The following ATRIP variants were observed in gnomAD, a reference collection of about 807,000 sequenced individuals.
ATRIP encodes ATR-interacting protein.
A neutral mutation model predicts 78.1 loss-of-function variants in ATRIP; 44 were observed. The ratio of observed to expected loss-of-function variants is 0.56; its 90% confidence interval spans 0.44 to 0.72. ATRIP has a LOEUF of 0.72. ATRIP is among the 30% of genes least tolerant of loss of function. ATRIP has a pLI of 0.00. For missense variants in ATRIP, 927 were observed against 980.2 expected (o/e 0.95, Z 0.72); for synonymous variants, 388 against 408.9 (o/e 0.95, Z 0.62).
rs762360097 is a variant in ATRIP at position 48,446,895 on chromosome 3, C to T, written c.50C>T (p.Ala17Val). Reference protein sequence around the residue: ...PGSKRRSEPPAPRPGPPPGTG... With the variant: ...PGSKRRSEPPVPRPGPPPGTG... The stretch of plus-strand genomic sequence containing the variant: ...AGCAAGAGGCGGAGCGAGCCCCCGG[C>T]GCCTCGCCCCGGCCCGCCGCCGGGC... The change falls in exon 1 of 13, where the codon GCG becomes GTG. Residue 17 changes from alanine to valine, a missense_variant. Ala to Val is a moderately conservative substitution (Grantham distance 64). Coordinates refer to ENST00000320211, the MANE Select transcript of ATRIP (RefSeq NM_130384.3). The T allele has an allele frequency of 1.4e-6, 2 of 1,387,128 alleles. No homozygotes were observed. The highest frequency in any genetic ancestry group is 1.9e-5 in the South Asian group (1 of 53,028). 85.9% of individuals were successfully genotyped at this position (1,387,128 alleles called of 1,614,324 possible).
chr3:48,449,510 T>A (rs1002100514), intron 1 of ATRIP, among the ~76,000 whole-genome samples: 5 of 151,316 alleles, frequency 3.3e-5, no homozygotes, highest in Admixed American at 6.6e-5. Flanking sequence ...CTTTCCCTGC[T>A]TTGCTCTCAA....
rs936178043 is a variant in ATRIP at position 48,465,073 on chromosome 3, G to A, written c.2298G>A (p.Thr766=). 5 of 1,608,188 alleles carry A rather than the reference G, an allele frequency of 3.1e-6. No individual in the cohort carries two copies. The highest frequency in any genetic ancestry group is 1.3e-5 in the African/African-American group (1 of 74,932). Residue 766 remains threonine, a synonymous_variant, in exon 12 of 13, where the codon ACG becomes ACA. Coordinates refer to ENST00000320211, the MANE Select transcript of ATRIP (RefSeq NM_130384.3). ...SMLIRGLPDV[T]DCEEAALDDL... ...TCATCCGAGGGCTTCCTGATGTGAC[G>A]GACTGTGAAGGTAAGCCTGCCAGAG...
chr3:48,455,174 T>C (rs1161342439), intron 4 of ATRIP, among the ~76,000 whole-genome samples: 1 of 152,184 alleles, frequency 6.6e-6, no homozygotes, highest in Non-Finnish European at 1.5e-5. Flanking sequence ...AGCCTGGAAA[T>C]TTGAACAGTG....
chr3:48,458,673 G>C (rs114035345), intron 5 of ATRIP, among the ~76,000 whole-genome samples: 2,470 of 152,256 alleles, frequency 0.016, 28 homozygotes, highest in Non-Finnish European at 0.024. Context: ...AGTCCAGATT[G>C]AGGGGATCTG....
At position 48,466,591 on chromosome 3, in the gene ATRIP, C is replaced by T; in HGVS notation, c.*1037C>T. On this transcript the variant is annotated 3_prime_UTR_variant, in exon 13 of 13. Transcript: ENST00000320211. ...CCACTCCCTCCCCTTCGGATCTTAA[C>T]ACTGGGCACTCACACACCCACCCCA... 6.2e-7 allele frequency: 1 copy of T among 1,612,184 alleles called. No individual in the cohort carries two copies. Among genetic ancestry groups the T allele is most frequent in the African/African-American group, 1.3e-5 (1 of 74,964 alleles).
intron 1 of ATRIP, chr3:48,447,578 C>G: frequency 2.0e-6 from 2 of 977,582 alleles, no homozygotes; most frequent in Non-Finnish European, 2.4e-6. Flanking sequence ...TGCTAGGTGC[C>G]CAAACGTGAG....
rs2040293250 is a variant in ATRIP at position 48,466,313 on chromosome 3, A to G, written c.*759A>G. On this transcript the variant is annotated 3_prime_UTR_variant, in exon 13 of 13. Transcript: ENST00000320211. ...GCCTGCCTGCCTGCCTGCTACGGTG[A>G]GTGTGGCCCCCACAATGGGATGGCG... is the stretch of plus-strand genomic sequence containing the variant. The G allele has an allele frequency of 2.6e-6, 2 of 770,232 alleles. No homozygotes were observed. Among genetic ancestry groups the G allele is most frequent in the Non-Finnish European group, 4.4e-6 (2 of 452,602 alleles). The allele number at this position is 770,232 out of a possible 1,614,324, so 47.7% of individuals were successfully genotyped here. A position where few individuals can be genotyped will look rare whatever the true frequency, so the allele number is the denominator to read the frequency against.
chr3:48,449,577 G>A (rs989354111), intron 1 of ATRIP, among the ~76,000 whole-genome samples: 1 of 151,542 alleles, frequency 6.6e-6, no homozygotes, highest in Non-Finnish European at 1.5e-5. Flanking sequence ...TTAAGCCCAG[G>A]AGTTCAAGAC....
At chr3:48,456,644 T>C (rs1038078062) in intron 4 of ATRIP, among the ~76,000 whole-genome samples, 1 of 151,400 alleles carries the variant, frequency 6.6e-6, no homozygotes, top group Middle Eastern at 3.5e-3. Flanking sequence ...GATGTGTGCC[T>C]GTAATCCCAG....
At chr3:48,448,249 C>A (rs1159370734) in intron 1 of ATRIP, among the ~76,000 whole-genome samples, 1 of 148,882 alleles carries the variant, frequency 6.7e-6, no homozygotes, top group Non-Finnish European at 1.5e-5. Context: ...ACAGCCTCTA[C>A]CTCCCAGGTT....
chr3:48,451,200 A>AT (rs1225722376), intron 2 of ATRIP, among the ~76,000 whole-genome samples: 1 of 151,748 alleles, frequency 6.6e-6, no homozygotes, highest in Non-Finnish European at 1.5e-5. Context: ...AAAAAAAAAA[A>AT]GGAATCTGGT....
chr3:48,467,271 A>C lies in ATRIP; in HGVS notation c.*1717A>C. 2 of 1,614,142 alleles carry C rather than the reference A, an allele frequency of 1.2e-6. No individual in the cohort carries two copies. The highest frequency in any genetic ancestry group is 1.7e-6 in the Non-Finnish European group (2 of 1,180,022). ...TGAGGGTGATGTCCTGGCCCTGCTC[A>C]GCATCTGTCAGTGGAGACCACAGGC... On this transcript the variant is annotated 3_prime_UTR_variant, in exon 13 of 13. Coordinates refer to ENST00000320211, the MANE Select transcript of ATRIP (RefSeq NM_130384.3).
chr3:48,467,632 C>G lies in ATRIP; in HGVS notation c.*2078C>G. 6.3e-7 allele frequency: 1 copy of G among 1,598,252 alleles called. No homozygotes were observed. Among genetic ancestry groups the G allele is most frequent in the Non-Finnish European group, 8.5e-7 (1 of 1,172,170 alleles). ...AAGGAAAATCTGACGAATAAAGACCCCCGCTGCCCCATAGCACTGAGTGGT... is the reference window on the plus strand; with the variant it reads ...AAGGAAAATCTGACGAATAAAGACCGCCGCTGCCCCATAGCACTGAGTGGT... On this transcript the variant is annotated 3_prime_UTR_variant, in exon 13 of 13. Transcript: ENST00000320211.
rs1311348703 is a variant in ATRIP, at chr3:48,464,082, C to T, written c.1924C>T (p.Arg642Trp). 9 of 1,613,720 alleles carry T rather than the reference C, an allele frequency of 5.6e-6. No individual in the cohort carries two copies. Among genetic ancestry groups the T allele is most frequent in the South Asian group, 1.1e-5 (1 of 91,084 alleles). ...LLLLYMYITS[R>W]PDRVALETQW... ...GCTGCTGTACATGTACATCACATCA[C>T]GGCCTGACAGAGTGGCCTTGGAGAC... The change falls in exon 10 of 13, where the codon CGG (arginine) becomes TGG (tryptophan). Residue 642 changes from arginine to tryptophan, a missense_variant. Transcript: ENST00000320211.
chr3:48,464,996 T>C lies in ATRIP; in HGVS notation c.2221T>C (p.Cys741Arg). ...SQKDKLFMMHCVEVLHQFDQV... is the reference protein window; with the variant it reads ...SQKDKLFMMHRVEVLHQFDQV... ...GAAGGACAAGCTCTTCATGATGCAC[T>C]GCGTGGAGGTCCTGCATCAGTTTGA... Residue 741 changes from cysteine to arginine, a missense_variant, in exon 12 of 13, where the codon TGC (cysteine) becomes CGC (arginine). Physicochemically the swap from Cys to Arg is radical, Grantham distance 180 (BLOSUM62 -3). Transcript: ENST00000320211. 1 of 1,614,086 alleles carries C rather than the reference T, an allele frequency of 6.2e-7. No homozygotes were observed. The highest frequency in any genetic ancestry group is 8.5e-7 in the Non-Finnish European group (1 of 1,180,016).
intron 3 of ATRIP, 97 bp downstream of exon 3, chr3:48,451,996 G>C (rs970848154): frequency 8.2e-7 from 1 of 1,218,068 alleles, no homozygotes; most frequent in South Asian, 1.7e-5. Flanking sequence ...TTCAACACTT[G>C]TTTGTCTTAA....
Position 48,452,119 on chromosome 3 carries a change from A to G in ATRIP, c.552+220A>G, listed in dbSNP as rs552526978. Among the ~76,000 whole-genome samples the G allele has an allele frequency of 2.0e-5, 3 of 152,348 alleles. No homozygotes were observed. The highest frequency in any genetic ancestry group is 4.4e-5 in the Non-Finnish European group (3 of 68,034). On this transcript the variant is annotated intron_variant, in intron 3 of 12. Transcript: ENST00000320211. Reference sequence around the variant, plus strand: ...TGCTGTGGTAGTTGGTCTTGGCAGGAGTAAATAACTAGCTTAGCATTTCTA... The same window carrying G: ...TGCTGTGGTAGTTGGTCTTGGCAGGGGTAAATAACTAGCTTAGCATTTCTA...
rs1384941370 is a variant in ATRIP, at chr3:48,459,391, A to G, written c.862A>G (p.Ile288Val). The G allele has an allele frequency of 2.5e-6, 4 of 1,614,058 alleles. No individual in the cohort carries two copies. In the South Asian group the frequency reaches 4.4e-5, roughly 18 times the overall value. The change falls in exon 6 of 13, where the codon ATA (isoleucine) becomes GTA (valine). Residue 288 changes from isoleucine (I) to valine (V), a missense_variant. Physicochemically the swap from Ile to Val is conservative, Grantham distance 29 (BLOSUM62 3). Coordinates refer to ENST00000320211, the MANE Select transcript of ATRIP (RefSeq NM_130384.3). ...GCCCCACAGTCTGAGAGGTGACTCC[A>G]TAAAACAAGAAGAGGCCCAGAAAAG... ...SKPHSLRGDSIKQEEAQKSFV... is the reference protein window; with the variant it reads ...SKPHSLRGDSVKQEEAQKSFV...
In ATRIP at chr3:48,460,554, G is replaced by C. The variant is rs373509198; in HGVS notation, c.1500G>C (p.Val500=). ...GAVVSLLLSG[V]GADSAAGEGN... ...TCGTCTCCCTATTACTGTCAGGAGTGGGGGCAGATTCTGCTGCTGGGGAAG... is the reference window on the plus strand; with the variant it reads ...TCGTCTCCCTATTACTGTCAGGAGTCGGGGCAGATTCTGCTGCTGGGGAAG... Residue 500 remains valine (V), a synonymous_variant, in exon 8 of 13, where the codon GTG becomes GTC. Transcript: ENST00000320211. 5.0e-6 allele frequency: 8 copies of C among 1,614,076 alleles called. No homozygotes were observed. Among genetic ancestry groups the C allele is most frequent in the Non-Finnish European group, 6.8e-6 (8 of 1,180,036 alleles).
Sources: allele counts gnomAD v4.1 joint callset (sites outside exome capture counted in the v4.1 genomes callset), GRCh38; gene constraint gnomAD v4.1.1; transcripts MANE v1.5; gene names NCBI Gene and HGNC (gene_info 2026-07-23, HGNC 2026-07-21).